The following RABGEF1 variants were observed in gnomAD, a reference collection of about 807,000 sequenced individuals.
The protein encoded by RABGEF1 is RAB guanine nucleotide exchange factor 1.
In RABGEF1, 26 loss-of-function variants were observed where a neutral mutation model predicts 57.3. The ratio of observed to expected loss-of-function variants is 0.45; its 90% CI spans 0.33 to 0.63. The LOEUF is 0.63. Among genes scored for constraint, RABGEF1 ranks in the 20% least tolerant of loss-of-function variants. RABGEF1 has a pLI of 0.02. For synonymous variants in RABGEF1, 185 were observed against 210.7 expected (o/e 0.88, Z 1.06); for missense variants, 464 against 607.6 (o/e 0.76, Z 2.48).
At chr7:66,778,947 C>T (rs968144538) in intron 3 of RABGEF1, among the ~76,000 whole-genome samples, 8 of 151,948 alleles carry the variant, frequency 5.3e-5, no homozygotes, top group Non-Finnish European at 1.2e-4. Flanking sequence ...ACAACCCCGT[C>T]TCTACTAAGA....
At position 66,694,444 on chromosome 7, in the gene RABGEF1, G is replaced by A. The variant is rs566763180; in HGVS notation, c.-873+12186G>A. 7.1e-4 allele frequency among the ~76,000 whole-genome samples: 108 copies of A among 152,368 alleles called. 1 individual carries two copies. Among genetic ancestry groups the A allele is most frequent in the African/African-American group, 2.6e-3 (107 of 41,586 alleles). Reference sequence around the variant, plus strand: ...GGGAGTTGGACGGAACATAAGGTCTGGCTGGAAAGGTGGGAAAGGACCAGG... The same window carrying A: ...GGGAGTTGGACGGAACATAAGGTCTAGCTGGAAAGGTGGGAAAGGACCAGG... On this transcript the variant is annotated intron_variant and NMD_transcript_variant, in intron 1 of 9. Coordinates refer to the RABGEF1 transcript ENST00000607882.
At chr7:66,729,721 C>T (rs1797090142) in intron 2 of RABGEF1, among the ~76,000 whole-genome samples, 1 of 152,224 alleles carries the variant, frequency 6.6e-6, no homozygotes, top group African/African-American at 2.4e-5. Flanking sequence ...TCACTAAATA[C>T]TTCTTAATAA....
At chr7:66,764,771 A>G (rs1583873877) in intron 1 of RABGEF1, among the ~76,000 whole-genome samples, 1 of 152,216 alleles carries the variant, frequency 6.6e-6, no homozygotes, top group Non-Finnish European at 1.5e-5. Flanking sequence ...AGTTGACAGA[A>G]GACGTATGGG....
At chr7:66,805,896 C>T (rs1184324492) in intron 8 of RABGEF1, among the ~76,000 whole-genome samples, 1 of 151,736 alleles carries the variant, frequency 6.6e-6, no homozygotes, top group African/African-American at 2.4e-5. Flanking sequence ...AGGCATGCAC[C>T]ATCACACCGG....
At position 66,805,399 on chromosome 7, in the gene RABGEF1, GAGTA is replaced by G. The variant is rs762456725; in HGVS notation, c.1077+7_1077+10del. 1.9e-6 allele frequency: 3 copies of G among 1,613,752 alleles called. No individual in the cohort carries two copies. Among genetic ancestry groups the G allele is most frequent in the Admixed American group, 1.7e-5 (1 of 60,014 alleles). ...ATGGCTACTATTTCACCAATCTGGTGAGTAAGTGAGTTCTTGGTGTTGTGGAGAA... is the reference window on the plus strand; with the variant it reads ...ATGGCTACTATTTCACCAATCTGGTGAGTGAGTTCTTGGTGTTGTGGAGAA... On this transcript the variant is annotated splice_donor_5th_base_variant and intron_variant, in intron 8 of 8. Coordinates refer to ENST00000284957, the MANE Select transcript of RABGEF1 (RefSeq NM_014504.3).
At chr7:66,779,040 G>A (rs1258560650) in intron 3 of RABGEF1, among the ~76,000 whole-genome samples, 4 of 152,094 alleles carry the variant, frequency 2.6e-5, no homozygotes, top group African/African-American at 4.8e-5. Context: ...GCTTGAACCC[G>A]GGGAGTGGAG....
At chr7:66,714,912 G>A (rs1407941930) in intron 2 of RABGEF1, among the ~76,000 whole-genome samples, 2 of 152,166 alleles carry the variant, frequency 1.3e-5, no homozygotes, top group East Asian at 3.9e-4. Flanking sequence ...TCCAGCCTGG[G>A]CGACAGAGCG....
chr7:66,668,358 A>G, the RABGEF1 span, among the ~76,000 whole-genome samples: 1 of 152,104 alleles, frequency 6.6e-6, no homozygotes, highest in African/African-American at 2.4e-5. Context: ...CAGCCTCCGA[A>G]AGCGTTGGGA....
At chr7:66,744,390 C>G (rs528196265) in intron 1 of RABGEF1, among the ~76,000 whole-genome samples, 1 of 151,510 alleles carries the variant, frequency 6.6e-6, no homozygotes, top group African/African-American at 2.4e-5. Context: ...AAAAGATAGC[C>G]GGGCGCAGTG....
chr7:66,795,521 T>C lies in RABGEF1; in HGVS notation c.524T>C (p.Ile175Thr), dbSNP rs1813820544. ...GTCTCTCTGTTTCAGGATCTAAGCA[T>C]TGAAGAACAGTCAGAGTGTGCTCAG... ...EGMHYKRDLSIEEQSECAQDF... is the reference protein window; with the variant it reads ...EGMHYKRDLSTEEQSECAQDF... The change falls in exon 5 of 9, where the codon ATT becomes ACT. Residue 175 changes from isoleucine (I) to threonine (T), a missense_variant. Physicochemically the swap from Ile to Thr is moderately conservative, Grantham distance 89. Coordinates refer to ENST00000284957, the MANE Select transcript of RABGEF1 (RefSeq NM_014504.3). The C allele has an allele frequency of 6.2e-7, 1 of 1,609,790 alleles. No individual in the cohort carries two copies. The highest frequency in any genetic ancestry group is 1.3e-5 in the African/African-American group (1 of 74,816).
chr7:66,690,061 C>G (rs1047591192), intron 1 of RABGEF1, among the ~76,000 whole-genome samples: 3 of 150,976 alleles, frequency 2.0e-5, no homozygotes, highest in African/African-American at 7.3e-5. Flanking sequence ...TACAAGAAAA[C>G]AACTGATCAA....
chr7:66,799,373 A>G lies in RABGEF1; in HGVS notation c.779A>G (p.Asp260Gly). 1.2e-6 allele frequency: 2 copies of G among 1,612,744 alleles called. No individual in the cohort carries two copies. Among genetic ancestry groups the G allele is most frequent in the Non-Finnish European group, 1.7e-6 (2 of 1,178,738 alleles). The part of the protein sequence containing the change: ...PQMLCVPVNE[D>G]IPEVSDMVVK... ...ATGCTGTGTGTCCCTGTTAATGAAG[A>G]CATCCCAGAAGTGTCTGATATGGTG... is the stretch of plus-strand genomic sequence containing the variant. Residue 260 changes from aspartate (D) to glycine (G), a missense_variant, in exon 7 of 9, where the codon GAC (aspartate) becomes GGC (glycine). Asp to Gly is a moderately conservative substitution (Grantham distance 94). Transcript: ENST00000284957.
intron 4 of RABGEF1, among the ~76,000 whole-genome samples, chr7:66,794,739 A>G (rs1813604842): frequency 6.6e-6 from 1 of 152,184 alleles, no homozygotes; most frequent in Non-Finnish European, 1.5e-5. Context: ...AATGTATGAC[A>G]GAGAACCGAA....
the RABGEF1 span, among the ~76,000 whole-genome samples, chr7:66,660,311 A>G: frequency 6.6e-6 from 1 of 151,558 alleles, no homozygotes; most frequent in African/African-American, 2.4e-5. Flanking sequence ...TTGTGCCACT[A>G]CACTCCAGCC....
At chr7:66,781,837 T>G (rs1175118842) in intron 3 of RABGEF1, among the ~76,000 whole-genome samples, 2 of 152,226 alleles carry the variant, frequency 1.3e-5, no homozygotes, top group Non-Finnish European at 2.9e-5. Flanking sequence ...TAGGCTCTGT[T>G]TGAGTGGCCT....
At chr7:66,732,778 GCT>G (rs1293858528) in intron 2 of RABGEF1, among the ~76,000 whole-genome samples, 1 of 151,000 alleles carries the variant, frequency 6.6e-6, no homozygotes, top group Admixed American at 6.6e-5. Flanking sequence ...TTTCTCACTC[GCT>G]CTCTCTTGCT....
intron 1 of RABGEF1, among the ~76,000 whole-genome samples, chr7:66,703,308 ATC>A (rs1793567789): frequency 6.6e-6 from 1 of 152,144 alleles, no homozygotes; most frequent in East Asian, 1.9e-4. Flanking sequence ...AGTTCAACCT[ATC>A]TATTTTTTCT....
upstream of RABGEF1, among the ~76,000 whole-genome samples, chr7:66,736,448 T>G (rs181278821): frequency 2.6e-5 from 4 of 152,218 alleles, no homozygotes; most frequent in African/African-American, 4.8e-5. Flanking sequence ...AGGGGAGTGG[T>G]AAGAGCATTT....
chr7:66,790,854 C>T (rs1325273797), intron 4 of RABGEF1, among the ~76,000 whole-genome samples: 2 of 152,216 alleles, frequency 1.3e-5, no homozygotes, highest in African/African-American at 4.8e-5. Context: ...TAGGACACTA[C>T]AGGTCTTCTA....
Sources: allele counts gnomAD v4.1 joint callset (sites outside exome capture counted in the v4.1 genomes callset), GRCh38; gene constraint gnomAD v4.1.1; transcripts MANE v1.5; gene names NCBI Gene and HGNC (gene_info 2026-07-23, HGNC 2026-07-21).